ABLIM3: variants seen among roughly 807,000 people sequenced by gnomAD.
The protein encoded by ABLIM3 is actin-binding LIM protein 3.
In ABLIM3, 61 loss-of-function variants were observed where a neutral mutation model predicts 109.5. The ratio of observed to expected loss-of-function variants is 0.56; its 90% CI spans 0.45 to 0.69. The LOEUF (loss-of-function observed/expected upper bound fraction) is 0.69, where lower values mean the gene tolerates loss of function less well. Ranked by LOEUF, ABLIM3 falls within the 30% of genes least tolerant of loss-of-function variation. The pLI, the probability that ABLIM3 is intolerant of heterozygous loss-of-function variation, is 0.00. For missense variants in ABLIM3, 796 were observed against 889.5 expected (o/e 0.89, Z 1.34); for synonymous variants, 300 against 324.8 (o/e 0.92, Z 0.82).
chr5:149,235,461 C>T (rs1762254399), intron 10 of ABLIM3, among the ~76,000 whole-genome samples: 1 of 152,196 alleles, frequency 6.6e-6, no homozygotes. Context: ...CTCTTCCTTC[C>T]TTCCTGGCTA....
intron 2 of ABLIM3, among the ~76,000 whole-genome samples, chr5:149,157,328 C>T (rs904395370): frequency 4.6e-5 from 7 of 152,150 alleles, no homozygotes; most frequent in African/African-American, 9.6e-5. Flanking sequence ...CTTCAGTATG[C>T]GGAGCAAATC....
intron 20 of ABLIM3, 85 bp from the exon 21 acceptor site, chr5:149,251,274 G>A (rs1753895955): frequency 6.6e-7 from 1 of 1,512,592 alleles, no homozygotes; most frequent in South Asian, 1.2e-5. Context: ...ACAAGCGCCA[G>A]TCCATTTTCT....
Position 149,259,281 on chromosome 5 carries a change from A to C in ABLIM3, c.*877A>C, listed in dbSNP as rs576604909. On this transcript the variant is annotated 3_prime_UTR_variant, in exon 24 of 24. Coordinates refer to ENST00000309868, the MANE Select transcript of ABLIM3 (RefSeq NM_014945.5). ...CTCCTGACCCTTCCCTCTTTCAAGGAGAAGCCCATGATTGCAGCTTGTATT... is the reference window on the plus strand; with the variant it reads ...CTCCTGACCCTTCCCTCTTTCAAGGCGAAGCCCATGATTGCAGCTTGTATT... 54 of 1,350,362 alleles carry C rather than the reference A, an allele frequency of 4.0e-5. 1 individual carries two copies. In the African/African-American group the frequency reaches 5.6e-4, roughly 14 times the overall value. 83.6% of individuals were successfully genotyped at this position (1,350,362 alleles called of 1,614,324 possible).
At chr5:149,223,933 G>C (rs918262947) in intron 8 of ABLIM3, among the ~76,000 whole-genome samples, 3 of 152,188 alleles carry the variant, frequency 2.0e-5, no homozygotes, top group Admixed American at 2.0e-4. Context: ...ACAGGGACTA[G>C]CATTGCTGGT....
At chr5:149,142,174 G>T in intron 2 of ABLIM3, 66 bp downstream of exon 2, 5 of 1,585,476 alleles carry the variant, frequency 3.2e-6, no homozygotes, top group East Asian at 4.5e-5. Context: ...GGGAGCCTGC[G>T]CTCGGGCTGC....
chr5:149,142,134 CA>C, intron 2 of ABLIM3, 26 bp downstream of exon 2: 4 of 1,530,544 alleles, frequency 2.6e-6, no homozygotes, highest in Non-Finnish European at 3.6e-6. Flanking sequence ...TCTCCTTTGC[CA>C]TGGGAACAGG....
At chr5:149,200,624 G>C (rs1273326747) in intron 5 of ABLIM3, 196 bp downstream of exon 5, 6 of 597,826 alleles carry the variant, frequency 1.0e-5, no homozygotes, top group Admixed American at 2.9e-5. Context: ...AGGGAAGAGG[G>C]GCTGCCTGGC....
At chr5:149,183,413 C>A (rs1561561085) in intron 2 of ABLIM3, 39 bp from the exon 3 acceptor site, 1 of 1,475,844 alleles carries the variant, frequency 6.8e-7, no homozygotes, top group Non-Finnish European at 9.0e-7. Flanking sequence ...TGTAAAGAAT[C>A]AGGGCCTCTG....
At chr5:149,229,128 C>G (rs17109816) in intron 8 of ABLIM3, among the ~76,000 whole-genome samples, 3 of 152,118 alleles carry the variant, frequency 2.0e-5, no homozygotes, top group Non-Finnish European at 4.4e-5. Context: ...GAACCGGAAA[C>G]GCTCTCTCTA....
intron 3 of ABLIM3, among the ~76,000 whole-genome samples, chr5:149,184,522 A>C (rs757658119): frequency 1.3e-5 from 2 of 152,204 alleles, no homozygotes; most frequent in Non-Finnish European, 2.9e-5. Context: ...GTCTCATCTT[A>C]AATGATTCCA....
chr5:149,238,072 T>A (rs73795952), intron 11 of ABLIM3, among the ~76,000 whole-genome samples: 47 of 152,312 alleles, frequency 3.1e-4, no homozygotes, highest in African/African-American at 1.1e-3. Context: ...ATCAGACATG[T>A]TCTCTGGTTT....
At chr5:149,225,626 G>A (rs956788364) in intron 8 of ABLIM3, among the ~76,000 whole-genome samples, 1 of 152,146 alleles carries the variant, frequency 6.6e-6, no homozygotes, top group South Asian at 2.1e-4. Flanking sequence ...CTTCAGTGAC[G>A]TTTTGTGAGA....
At chr5:149,239,722 C>A (rs772098168) in intron 12 of ABLIM3, 37 bp from the exon 13 acceptor site, 1 of 1,543,732 alleles carries the variant, frequency 6.5e-7, no homozygotes, top group Non-Finnish European at 8.7e-7. Flanking sequence ...GCCCACTTAA[C>A]AGCCAGCCAT....
chr5:149,248,400 A>C (rs1467374046), intron 18 of ABLIM3, among the ~76,000 whole-genome samples: 1 of 152,184 alleles, frequency 6.6e-6, no homozygotes. Flanking sequence ...AGTATAAAGA[A>C]AAATGGCTTG....
intron 3 of ABLIM3, among the ~76,000 whole-genome samples, chr5:149,195,823 C>T (rs1757913875): frequency 6.6e-6 from 1 of 152,172 alleles, no homozygotes; most frequent in Admixed American, 6.5e-5. Flanking sequence ...GAACCCTTCC[C>T]AGACTTCTGC....
chr5:149,205,666 G>A (rs867265548), intron 5 of ABLIM3, among the ~76,000 whole-genome samples: 25 of 152,182 alleles, frequency 1.6e-4, no homozygotes, highest in African/African-American at 5.1e-4. Context: ...AGAATAGAAA[G>A]GAAGAGAGAT....
At chr5:149,183,373 A>G (rs1756636656) in intron 2 of ABLIM3, 79 bp from the exon 3 acceptor site, 2 of 1,417,314 alleles carry the variant, frequency 1.4e-6, no homozygotes, top group African/African-American at 1.5e-5. Flanking sequence ...TCTTCCAGCT[A>G]CAATTATGAT....
chr5:149,199,452 C>T (rs931575612), intron 4 of ABLIM3, among the ~76,000 whole-genome samples: 1 of 152,152 alleles, frequency 6.6e-6, no homozygotes, highest in African/African-American at 2.4e-5. Context: ...AGCCCTGAGC[C>T]CTGGAATCCC....
At chr5:149,175,750 G>A (rs1755871650) in intron 2 of ABLIM3, among the ~76,000 whole-genome samples, 1 of 152,214 alleles carries the variant, frequency 6.6e-6, no homozygotes, top group South Asian at 2.1e-4. Context: ...GAAGCTCACT[G>A]CAGTGAAGAC....
Sources: gnomAD v4.1 joint callset for allele counts (sites outside exome capture counted in the v4.1 genomes callset) on GRCh38, gnomAD v4.1.1 for gene constraint, MANE v1.5 for transcripts, NCBI Gene and HGNC (gene_info 2026-07-23, HGNC 2026-07-21) for gene names.